Variants in ST3GAL3 observed in about 807,000 individuals in gnomAD.
The protein encoded by ST3GAL3 is ST3 beta-galactoside alpha-2,3-sialyltransferase 3.
In ST3GAL3, 21 loss-of-function variants were observed where a neutral mutation model predicts 50.1. That is an observed-to-expected ratio of 0.42 (90% CI 0.30 to 0.60). The LOEUF is 0.60. Among genes scored for constraint, ST3GAL3 ranks in the 20% least tolerant of loss-of-function variants. The pLI is 0.19. For missense variants in ST3GAL3, 353 were observed against 489.4 expected (o/e 0.72, Z 2.63); for synonymous variants, 183 against 190.0 (o/e 0.96, Z 0.30).
intron 5 of ST3GAL3, among the ~76,000 whole-genome samples, chr1:43,883,907 G>A (rs563991055): frequency 2.0e-5 from 3 of 152,294 alleles, no homozygotes; most frequent in South Asian, 4.1e-4. Context: ...GCTCAGCTTT[G>A]CCATTATCTC....
intron 5 of ST3GAL3, among the ~76,000 whole-genome samples, chr1:43,892,140 G>T (rs1047292233): frequency 3.3e-5 from 5 of 152,160 alleles, no homozygotes; most frequent in Non-Finnish European, 7.4e-5. Context: ...ACAGAGTTTT[G>T]CCATGTTAGC....
intron 5 of ST3GAL3, chr1:43,858,216 G>A: frequency 7.8e-7 from 1 of 1,289,400 alleles, no homozygotes; most frequent in Admixed American, 2.3e-5. Context: ...GGATTGTGGG[G>A]ACACAGAGAA....
At chr1:43,749,570 TAAAC>T (rs1335393418) in intron 2 of ST3GAL3, among the ~76,000 whole-genome samples, 2 of 152,076 alleles carry the variant, frequency 1.3e-5, no homozygotes, top group Non-Finnish European at 2.9e-5. Flanking sequence ...TACCCCATCT[TAAAC>T]AAACAAACAA....
At chr1:43,714,432 C>CAAAAAAAAAAAAAAAAA (rs35400929) in intron 1 of ST3GAL3, among the ~76,000 whole-genome samples, 1 of 73,742 alleles carries the variant, frequency 1.4e-5, no homozygotes, top group Non-Finnish European at 2.4e-5. Flanking sequence ...TACTAAAATA[C>CAAAAAAAAAAAAAAAAA]AAAAAAAAAA....
chr1:43,724,458 A>G (rs147342457), intron 1 of ST3GAL3, among the ~76,000 whole-genome samples: 23 of 148,282 alleles, frequency 1.6e-4, no homozygotes, highest in Admixed American at 3.4e-4. Flanking sequence ...AGCTCATGCC[A>G]TCTGCCTTCC....
chr1:43,787,291 T>C (rs565054793), intron 2 of ST3GAL3, among the ~76,000 whole-genome samples: 128 of 152,344 alleles, frequency 8.4e-4, no homozygotes, highest in Non-Finnish European at 1.4e-3. Flanking sequence ...TTTGCTAGCC[T>C]GAGAGGGAGA....
chr1:43,869,854 A>C (rs541959085), intron 5 of ST3GAL3, among the ~76,000 whole-genome samples: 2 of 152,332 alleles, frequency 1.3e-5, no homozygotes, highest in African/African-American at 4.8e-5. Flanking sequence ...CGACTGAGAT[A>C]AGCCTAACGC....
Position 43,730,530 on chromosome 1 carries a change from ATTTCT to A in ST3GAL3, c.-30-5699_-30-5695del, listed in dbSNP as rs927816597. ...GTGTAGTTAGAAATACAAGTTTCTG[ATTTCT>A]TTTTCTTTTCTTTTTTTCTTTCTTT... is the stretch of plus-strand genomic sequence containing the variant. On this transcript the variant is annotated intron_variant, in intron 1 of 11. Coordinates refer to ENST00000347631, the MANE Select transcript of ST3GAL3 (RefSeq NM_006279.5). 2.9e-4 allele frequency among the ~76,000 whole-genome samples: 23 copies of A among 80,224 alleles called. No homozygotes were observed. The Middle Eastern group carries it at 0.028, about 98-fold the overall frequency. 52.6% of individuals were successfully genotyped at this position (80,224 alleles called of 152,430 possible).
At chr1:43,746,440 G>C (rs1441294334) in intron 2 of ST3GAL3, among the ~76,000 whole-genome samples, 4 of 151,278 alleles carry the variant, frequency 2.6e-5, no homozygotes, top group Non-Finnish European at 5.9e-5. Flanking sequence ...TGATGCCACA[G>C]ATGTGTAAAC....
At chr1:43,855,671 A>G (rs2068216086) in intron 5 of ST3GAL3, among the ~76,000 whole-genome samples, 1 of 152,040 alleles carries the variant, frequency 6.6e-6, no homozygotes, top group Admixed American at 6.5e-5. Context: ...GAATCCCAAA[A>G]ACTCTAAAAC....
intron 3 of ST3GAL3, among the ~76,000 whole-genome samples, chr1:43,813,879 A>G (rs2060871027): frequency 1.7e-5 from 1 of 57,336 alleles, no homozygotes; most frequent in African/African-American, 4.7e-5. Context: ...ACACACACAC[A>G]CACACACACA....
intron 2 of ST3GAL3, chr1:43,772,065 T>G: frequency 5.0e-6 from 2 of 398,492 alleles, no homozygotes; most frequent in Non-Finnish European, 8.8e-6. Context: ...GTTTCACTCT[T>G]GTTGCCTAGG....
intron 1 of ST3GAL3, chr1:43,727,291 C>CA (rs1558028568): frequency 6.9e-6 from 1 of 145,320 alleles, no homozygotes; most frequent in Non-Finnish European, 1.5e-5. Context: ...GACCTGCTTC[C>CA]TTTTTTTTTT....
At chr1:43,807,772 A>G (rs2060074255) in intron 3 of ST3GAL3, among the ~76,000 whole-genome samples, 1 of 152,238 alleles carries the variant, frequency 6.6e-6, no homozygotes. Flanking sequence ...CATGGAATTA[A>G]AAGGTCATAG....
intron 5 of ST3GAL3, among the ~76,000 whole-genome samples, chr1:43,852,453 A>G (rs2067510685): frequency 1.3e-5 from 2 of 152,208 alleles, no homozygotes; most frequent in Admixed American, 1.3e-4. Context: ...GTTATTGTGT[A>G]TATAACTATT....
intron 3 of ST3GAL3, among the ~76,000 whole-genome samples, chr1:43,796,799 A>C (rs1054939518): frequency 3.9e-5 from 6 of 152,252 alleles, no homozygotes; most frequent in African/African-American, 1.4e-4. Context: ...TGAATAATCT[A>C]ATAAAGACTT....
intron 5 of ST3GAL3, chr1:43,879,247 C>T (rs1344519343): frequency 6.6e-6 from 3 of 455,712 alleles, no homozygotes; most frequent in East Asian, 1.4e-4. Context: ...TATGCTGTAA[C>T]AGGGTGAGGA....
intron 1 of ST3GAL3, among the ~76,000 whole-genome samples, chr1:43,713,522 ATTTTT>A (rs556526111): frequency 0.011 from 1,293 of 122,120 alleles, 27 homozygotes; most frequent in African/African-American, 0.039. Flanking sequence ...ACGTTGTGGG[ATTTTT>A]TTTTTTTTTT....
In ST3GAL3 at chr1:43,761,014, C is replaced by G. The variant is rs574584874; in HGVS notation, c.118+24634C>G. ...GTTTCACTGACATGTCCAAAACAGG[C>G]AAATCTATAGAGTCAGAAAGTAGAT... On this transcript the variant is annotated intron_variant, in intron 2 of 11. Coordinates refer to ENST00000347631, the MANE Select transcript of ST3GAL3 (RefSeq NM_006279.5). 2.0e-5 allele frequency among the ~76,000 whole-genome samples: 3 copies of G among 152,230 alleles called. No individual in the cohort carries two copies. In the East Asian group the frequency reaches 5.8e-4, roughly 29 times the overall value.
Sources: allele counts gnomAD v4.1 joint callset (sites outside exome capture counted in the v4.1 genomes callset), GRCh38; gene constraint gnomAD v4.1.1; transcripts MANE v1.5; gene names NCBI Gene and HGNC (gene_info 2026-07-23, HGNC 2026-07-21).